The following KATNIP variants were observed in gnomAD, a reference collection of about 807,000 sequenced individuals.
KATNIP encodes katanin interacting protein.
A neutral mutation model predicts 174.0 loss-of-function variants in KATNIP; 126 were observed. The observed-to-expected ratio is 0.72, with a 90% CI of 0.63 to 0.84. The LOEUF is 0.84. Ranked by LOEUF, KATNIP falls within the 40% of genes least tolerant of loss-of-function variation. KATNIP has a pLI of 0.00. For missense variants in KATNIP, 1,958 were observed against 2,109.7 expected, an observed-to-expected ratio of 0.93 and a Z score of 1.41; for synonymous variants, 810 against 835.7, an observed-to-expected ratio of 0.97 and a Z score of 0.53.
At chr16:27,674,220 G>T (rs78386841) in intron 6 of KATNIP, among the ~76,000 whole-genome samples, 3 of 152,202 alleles carry the variant, frequency 2.0e-5, no homozygotes, top group Admixed American at 1.3e-4. Context: ...AGCTGTATTC[G>T]TTTCCTATTT....
chr16:27,773,286 T>C, intron 23 of KATNIP, 77 bp downstream of exon 23: 2 of 995,140 alleles, frequency 2.0e-6, no homozygotes, highest in Non-Finnish European at 3.0e-6. Flanking sequence ...GGCAGAAGCC[T>C]TGTGTGCAGA....
intron 15 of KATNIP, 40 bp downstream of exon 15, chr16:27,740,960 C>T: frequency 6.5e-7 from 1 of 1,533,866 alleles, no homozygotes; most frequent in South Asian, 1.2e-5. Flanking sequence ...CATCATCATC[C>T]CAGCCCCTCT....
chr16:27,751,936 G>A lies in KATNIP; in HGVS notation c.3552+12G>A, dbSNP rs913321764. 6.3e-7 allele frequency: 1 copy of A among 1,592,692 alleles called. No individual in the cohort carries two copies. Among genetic ancestry groups the A allele is most frequent in the African/African-American group, 1.3e-5 (1 of 74,446 alleles). On this transcript the variant is annotated intron_variant, in intron 17 of 27. Coordinates refer to ENST00000261588, the MANE Select transcript of KATNIP (RefSeq NM_015202.5). ...GGGCTGATGAACGGGTAGGACTGGA[G>A]CTGGGGGGCTGTGGGGGGACCCCCA...
intron 14 of KATNIP, among the ~76,000 whole-genome samples, chr16:27,732,795 G>C (rs1212160389): frequency 1.3e-5 from 2 of 152,188 alleles, no homozygotes; most frequent in Non-Finnish European, 2.9e-5. Context: ...CCCTGGCCCA[G>C]AACCCCTGGC....
chr16:27,611,449 G>T (rs2075887344), intron 2 of KATNIP, among the ~76,000 whole-genome samples: 1 of 152,198 alleles, frequency 6.6e-6, no homozygotes, highest in Non-Finnish European at 1.5e-5. Flanking sequence ...GTAGAATCTT[G>T]CCTGGCACAT....
chr16:27,573,469 A>C (rs890876804), intron 1 of KATNIP, among the ~76,000 whole-genome samples: 2 of 152,218 alleles, frequency 1.3e-5, no homozygotes, highest in African/African-American at 4.8e-5. Flanking sequence ...ACTGTCACCT[A>C]TGTGGTGGAT....
At position 27,777,255 on chromosome 16, in the gene KATNIP, G is replaced by A. The variant is rs896619299; in HGVS notation, c.4551+226G>A. Among the ~76,000 whole-genome samples the A allele has an allele frequency of 7.2e-5, 11 of 152,110 alleles. No individual in the cohort carries two copies. Among genetic ancestry groups the A allele is most frequent in the Admixed American group, 1.3e-4 (2 of 15,278 alleles). ...GCAAATAGAAAGTGGGTTTTCTTTC[G>A]TCTTTTCCTCTAGAATCCCACTGGT... On this transcript the variant is annotated intron_variant, in intron 25 of 27. Coordinates refer to ENST00000261588, the MANE Select transcript of KATNIP (RefSeq NM_015202.5). The surrounding 1 kb of genome is among the most constrained non-coding windows in gnomAD (Gnocchi z 4.4).
chr16:27,571,354 T>C (rs1409436611), intron 1 of KATNIP, among the ~76,000 whole-genome samples: 1 of 152,174 alleles, frequency 6.6e-6, no homozygotes, highest in Non-Finnish European at 1.5e-5. Flanking sequence ...TTGTTTTTAT[T>C]GTCCACCTTA....
chr16:27,624,507 G>A lies in KATNIP; in HGVS notation c.141-4154G>A, dbSNP rs576581042. Reference sequence around the variant, plus strand: ...CCTGCCCCAACTTGAGATCCTTGGGGTCACTTGTTCCAGAAACAGGCATTG... The same window carrying A: ...CCTGCCCCAACTTGAGATCCTTGGGATCACTTGTTCCAGAAACAGGCATTG... On this transcript the variant is annotated intron_variant, in intron 3 of 27. Coordinates refer to ENST00000261588, the MANE Select transcript of KATNIP (RefSeq NM_015202.5). Among the ~76,000 whole-genome samples, 95 of 152,232 alleles carry A rather than the reference G, an allele frequency of 6.2e-4. 1 individual carries two copies. Among genetic ancestry groups the A allele is most frequent in the Non-Finnish European group, 8.5e-4 (58 of 68,012 alleles).
intron 13 of KATNIP, among the ~76,000 whole-genome samples, chr16:27,713,920 G>A (rs2079805828): frequency 7.2e-6 from 1 of 139,198 alleles, no homozygotes; most frequent in South Asian, 2.3e-4. Context: ...GGTTACCCTT[G>A]GAAATAAAGC....
chr16:27,666,920 A>T (rs1053845456), intron 6 of KATNIP, among the ~76,000 whole-genome samples: 1 of 152,200 alleles, frequency 6.6e-6, no homozygotes, highest in East Asian at 1.9e-4. Flanking sequence ...TATGGATTAC[A>T]TAAGAGATGT....
intron 3 of KATNIP, among the ~76,000 whole-genome samples, chr16:27,624,491 A>G (rs1322498314): frequency 1.3e-5 from 2 of 152,114 alleles, no homozygotes; most frequent in Non-Finnish European, 2.9e-5. Context: ...TCCTGCCCCA[A>G]CTTGAGATCC....
At chr16:27,757,635 C>T (rs2081787577) in intron 18 of KATNIP, 1 of 525,902 alleles carries the variant, frequency 1.9e-6, no homozygotes, top group Admixed American at 6.4e-5. Context: ...CTCTTCTCTT[C>T]TCAGTAGGAA....
rs1295704121 is a variant in KATNIP at position 27,777,389 on chromosome 16, T to A, written c.4552-221T>A. ...TAATGGTATTAAAGCCCCTCGGGCC[T>A]CAATTTCCTCATCTGCAATGCATGC... On this transcript the variant is annotated intron_variant, in intron 25 of 27. Coordinates refer to ENST00000261588, the MANE Select transcript of KATNIP (RefSeq NM_015202.5). The surrounding 1 kb of genome is among the most constrained non-coding windows in gnomAD (Gnocchi z 4.4). Among the ~76,000 whole-genome samples, 2 of 152,182 alleles carry A rather than the reference T, an allele frequency of 1.3e-5. No individual in the cohort carries two copies. Among genetic ancestry groups the A allele is most frequent in the African/African-American group, 4.8e-5 (2 of 41,438 alleles).
At chr16:27,692,856 AAAGAAGCT>A in intron 8 of KATNIP, among the ~76,000 whole-genome samples, 1 of 152,300 alleles carries the variant, frequency 6.6e-6, no homozygotes, top group East Asian at 1.9e-4. Flanking sequence ...TCACTCAACC[AAAGAAGCT>A]CACAGCATAG....
intron 2 of KATNIP, among the ~76,000 whole-genome samples, chr16:27,616,985 CAAAG>C (rs1320813448): frequency 1.7e-5 from 2 of 116,610 alleles, no homozygotes; most frequent in South Asian, 2.9e-4. Context: ...ATATTATAAA[CAAAG>C]AAAAGCACCC....
chr16:27,674,639 C>G (rs1040924434), intron 6 of KATNIP, among the ~76,000 whole-genome samples: 2 of 152,250 alleles, frequency 1.3e-5, no homozygotes. Context: ...ATAATCCAGG[C>G]TCCTGTCCTC....
intron 16 of KATNIP, 47 bp downstream of exon 16, chr16:27,750,353 T>TG: frequency 6.4e-7 from 1 of 1,556,926 alleles, no homozygotes; most frequent in South Asian, 1.3e-5. Context: ...ATCTGTGACT[T>TG]GCTGAGAGTC....
At chr16:27,590,292 T>G (rs1267862315) in intron 2 of KATNIP, among the ~76,000 whole-genome samples, 3 of 152,030 alleles carry the variant, frequency 2.0e-5, no homozygotes, top group Non-Finnish European at 4.4e-5. Context: ...TGTGCTCTTC[T>G]GTGTAGTATG....
Sources: allele counts gnomAD v4.1 joint callset (sites outside exome capture counted in the v4.1 genomes callset), GRCh38; gene constraint gnomAD v4.1.1; non-coding constraint Gnocchi (gnomAD v3.1); transcripts MANE v1.5; gene names NCBI Gene and HGNC (gene_info 2026-07-23, HGNC 2026-07-21).